Variants in XBP1 observed in about 807,000 individuals in gnomAD.
The protein encoded by XBP1 is X-box binding protein 1.
In XBP1, 18 loss-of-function variants were observed where a neutral mutation model predicts 34.6. The observed-to-expected ratio is 0.52, with a 90% confidence interval of 0.36 to 0.77. The LOEUF (loss-of-function observed/expected upper bound fraction) is 0.77, where lower values mean the gene tolerates loss of function less well. Among genes scored for constraint, XBP1 ranks in the 30% least tolerant of loss-of-function variants. XBP1 has a pLI of 0.00. For synonymous variants in XBP1, 191 were observed against 193.4 expected (o/e 0.99, Z 0.11); for missense variants, 422 against 464.6 (o/e 0.91, Z 0.84).
At position 28,799,044 on chromosome 22, in the gene XBP1, T is replaced by C. The variant is rs1601438597; in HGVS notation, c.324+13A>G. 10 of 1,605,458 alleles carry C rather than the reference T, an allele frequency of 6.2e-6. No homozygotes were observed. Among genetic ancestry groups the C allele is most frequent in the Non-Finnish European group, 8.5e-6 (10 of 1,172,468 alleles). ...TACAATGGATAAAAGAGTTTGACCTTAAGTAGTTTTACCTCTTCTTCTAAA... is the reference window on the plus strand; with the variant it reads ...TACAATGGATAAAAGAGTTTGACCTCAAGTAGTTTTACCTCTTCTTCTAAA... On this transcript the variant is annotated intron_variant, in intron 2 of 5. Coordinates refer to ENST00000344347, the Ensembl canonical transcript of XBP1.
Position 28,797,214 on chromosome 22 carries a change from A to G in XBP1, c.325-9T>C. 6.2e-7 allele frequency: 1 copy of G among 1,611,152 alleles called. No homozygotes were observed. The highest frequency in any genetic ancestry group is 8.5e-7 in the Non-Finnish European group (1 of 1,179,174). ...AGCAAAAGTTTTTGGTTCTGGAAGA[A>G]AGTTCATAAGAGGCTATTAAAACAT... On this transcript the variant is annotated splice_polypyrimidine_tract_variant and intron_variant, in intron 2 of 5. Transcript: ENST00000344347.
intron 2 of XBP1, among the ~76,000 whole-genome samples, chr22:28,798,358 T>A (rs2031790493): frequency 1.4e-5 from 2 of 145,478 alleles, no homozygotes; most frequent in Non-Finnish European, 3.0e-5. Context: ...TGGAGTGCAG[T>A]GGCATGATCT....
intron 2 of XBP1, 22 bp downstream of exon 2, chr22:28,799,035 G>GT (rs764863952): frequency 2.5e-6 from 4 of 1,595,112 alleles, no homozygotes; most frequent in Non-Finnish European, 3.4e-6. Flanking sequence ...GGATAAAAGA[G>GT]TTTGACCTTA....
intron 1 of XBP1, 129 bp downstream of exon 1, chr22:28,800,169 C>T (rs2031849542): frequency 1.2e-5 from 14 of 1,134,376 alleles, no homozygotes; most frequent in Non-Finnish European, 1.6e-5. Flanking sequence ...CTGGCACCGA[C>T]CCGCCAGGCC....
exon 6 of XBP1, chr22:28,795,524 G>T (rs546506103): frequency 1.9e-6 from 3 of 1,614,180 alleles, no homozygotes; most frequent in South Asian, 2.2e-5. Context: ...TAGGGGCTTG[G>T]TATATATGTG....
intron 2 of XBP1, 102 bp downstream of exon 2, chr22:28,798,955 C>A: frequency 1.1e-6 from 1 of 900,406 alleles, no homozygotes; most frequent in Non-Finnish European, 1.7e-6. Flanking sequence ...CAATTGTATT[C>A]TAATAGGGGC....
exon 1 of XBP1, chr22:28,800,357 G>A: frequency 6.5e-7 from 1 of 1,546,028 alleles, no homozygotes; most frequent in African/African-American, 1.4e-5. Context: ...TGCGCGCCTG[G>A]GGCAGCCCCC....
In XBP1 at chr22:28,795,564, C is replaced by A; in HGVS notation, c.742G>T (p.Glu248Ter). The A allele has an allele frequency of 6.2e-7, 1 of 1,614,156 alleles. No individual in the cohort carries two copies. The highest frequency in any genetic ancestry group is 8.5e-7 in the Non-Finnish European group (1 of 1,180,032). ...AAACGAATTAGTTCATTAATGGCTT[C>A]CAGCTTGGCTGATGACGTCCCCACT... The change falls in exon 6 of 6, where the codon GAA (glutamate) becomes TAA (stop). Residue 248 changes from glutamate to a stop codon, truncating the protein, a stop_gained. Coordinates refer to ENST00000344347, the Ensembl canonical transcript of XBP1. LOFTEE classifies it high-confidence loss of function.
exon 6 of XBP1, chr22:28,795,479 G>C: frequency 6.2e-7 from 1 of 1,613,972 alleles, no homozygotes; most frequent in South Asian, 1.1e-5. Flanking sequence ...TACCACATTA[G>C]CTTGGCTCTC....
chr22:28,798,045 C>G (rs1188191256), intron 2 of XBP1, among the ~76,000 whole-genome samples: 1 of 152,024 alleles, frequency 6.6e-6, no homozygotes, highest in Non-Finnish European at 1.5e-5. Flanking sequence ...TAATTGGCAA[C>G]AATTTAAGAT....
intron 3 of XBP1, 58 bp from the exon 4 acceptor site, chr22:28,796,250 A>T (rs2146264817): frequency 6.8e-7 from 1 of 1,460,704 alleles, no homozygotes; most frequent in Non-Finnish European, 9.1e-7. Context: ...AATGCTTGCT[A>T]GACAGCTGTG....
At chr22:28,800,247 G>C (rs759748202) in intron 1 of XBP1, 51 bp downstream of exon 1, 1 of 1,535,206 alleles carries the variant, frequency 6.5e-7, no homozygotes, top group South Asian at 1.2e-5. Flanking sequence ...CCCTGCCCCT[G>C]TCCCTAGTCC....
chr22:28,800,529 C>G (rs933816042), upstream of XBP1: 4 of 1,485,878 alleles, frequency 2.7e-6, no homozygotes, highest in Admixed American at 2.4e-5. Flanking sequence ...CACCATAGCT[C>G]CAGACTACGC....
At chr22:28,794,588 G>C (rs1601435711), downstream of XBP1, 1 of 152,364 alleles carries the variant, frequency 6.6e-6, no homozygotes, top group Non-Finnish European at 1.5e-5. Flanking sequence ...TGCATGGGTA[G>C]TTTTAAATAA....
exon 3 of XBP1, chr22:28,797,115 T>C (rs747098149): frequency 6.2e-7 from 1 of 1,612,512 alleles, no homozygotes; most frequent in Non-Finnish European, 8.5e-7. Context: ...AGGGCATCCA[T>C]CCCCAAGCGC....
upstream of XBP1, chr22:28,800,533 A>G (rs570661028): frequency 4.7e-6 from 7 of 1,482,496 alleles, no homozygotes; most frequent in South Asian, 7.6e-5. Flanking sequence ...ATAGCTCCAG[A>G]CTACGCACCG....
chr22:28,796,973 C>T (rs2031762431), intron 3 of XBP1, 104 bp downstream of exon 3: 1 of 1,433,064 alleles, frequency 7.0e-7, no homozygotes, highest in Non-Finnish European at 9.3e-7. Context: ...AGGAAAATTT[C>T]AAGAACGCTC....
intron 1 of XBP1, chr22:28,799,995 G>A (rs2031839623): frequency 1.3e-6 from 1 of 779,456 alleles, no homozygotes; most frequent in Non-Finnish European, 2.4e-6. Context: ...CCACCAGTCT[G>A]CGGCCACACA....
At position 28,798,515 on chromosome 22, in the gene XBP1, G is replaced by A. The variant is rs539091574; in HGVS notation, c.324+542C>T. ...ATAGAGATGGGGTTTCACCACGTTG[G>A]TCAGGCTGGTCTCGAACTCCTGATC... On this transcript the variant is annotated intron_variant, in intron 2 of 5. Transcript: ENST00000344347. Among the ~76,000 whole-genome samples, 10 of 151,856 alleles carry A rather than the reference G, an allele frequency of 6.6e-5. No individual in the cohort carries two copies. In the South Asian group the frequency reaches 2.1e-3, roughly 32 times the overall value.
Sources: gnomAD v4.1 joint callset for allele counts (sites outside exome capture counted in the v4.1 genomes callset) on GRCh38, gnomAD v4.1.1 for gene constraint, MANE v1.5 for transcripts, NCBI Gene and HGNC (gene_info 2026-07-23, HGNC 2026-07-21) for gene names.